The following CAST variants were observed in gnomAD, a reference collection of about 807,000 sequenced individuals.
CAST encodes the protein calpastatin, also known as MIR583 host.
A neutral mutation model predicts 119.6 loss-of-function variants in CAST; 76 were observed. That is an observed-to-expected ratio of 0.64 (90% CI 0.53 to 0.77). The LOEUF (loss-of-function observed/expected upper bound fraction) is 0.77. Among genes scored for constraint, CAST ranks in the 30% least tolerant of loss-of-function variants. The probability of loss-of-function intolerance (pLI) is 0.00; values close to 1 mark genes in which losing one functional copy is unlikely to be tolerated. For synonymous variants in CAST, 319 were observed against 331.6 expected (o/e 0.96, Z 0.41); for missense variants, 953 against 946.5 (o/e 1.01, Z -0.09).
chr5:96,679,940 G>A (rs1045171068), intron 2 of CAST, among the ~76,000 whole-genome samples: 6 of 151,956 alleles, frequency 3.9e-5, no homozygotes, highest in African/African-American at 1.5e-4. Context: ...AAATTAACGC[G>A]ATAATGTCAT....
chr5:96,168,365 T>C, the CAST span, among the ~76,000 whole-genome samples: 1 of 152,228 alleles, frequency 6.6e-6, no homozygotes, highest in Non-Finnish European at 1.5e-5. Flanking sequence ...GAGGCATTAA[T>C]GATGGAGGAC....
chr5:96,194,943 G>A, the CAST span, among the ~76,000 whole-genome samples: 1 of 152,340 alleles, frequency 6.6e-6, no homozygotes, highest in Admixed American at 6.5e-5. Flanking sequence ...TCAGTAAGAT[G>A]CAGGCATACC....
At chr5:96,181,387 C>A in the CAST span, among the ~76,000 whole-genome samples, 1,107 of 152,318 alleles carry the variant, frequency 7.3e-3, 19 homozygotes, top group African/African-American at 0.026. Flanking sequence ...ACCTTTGCCT[C>A]ATGTTCTGCA....
At position 96,729,348 on chromosome 5, in the gene CAST, G is replaced by C; in HGVS notation, c.435+139G>C. The C allele has an allele frequency of 9.6e-6, 6 of 627,798 alleles. No homozygotes were observed. In the South Asian group the frequency reaches 1.2e-4, roughly 13 times the overall value. The allele number at this position is 627,798 out of a possible 1,614,324, so 38.9% of individuals were successfully genotyped here. The stretch of plus-strand genomic sequence containing the variant: ...TTTTCAGCTAAAATGGTGCCATCCT[G>C]TGGCAATAGCAGTGTTTACAATTTA... On this transcript the variant is annotated intron_variant, in intron 7 of 31. Transcript: ENST00000675179.
chr5:96,472,181 G>T, the CAST span, among the ~76,000 whole-genome samples: 3 of 152,142 alleles, frequency 2.0e-5, no homozygotes, highest in African/African-American at 7.2e-5. Context: ...CAGCAGAGGT[G>T]AGTGGAGCAA....
the CAST span, chr5:96,398,755 T>G: frequency 2.4e-6 from 2 of 843,906 alleles, no homozygotes; most frequent in Non-Finnish European, 4.0e-6. Context: ...AATAAGCATG[T>G]TTTTTAAGAC....
the CAST span, among the ~76,000 whole-genome samples, chr5:96,351,639 T>A: frequency 6.6e-6 from 1 of 152,252 alleles, no homozygotes; most frequent in South Asian, 2.1e-4. Context: ...GTATTACGTA[T>A]CTGGAGTCAT....
the CAST span, among the ~76,000 whole-genome samples, chr5:96,111,681 C>T: frequency 1.3e-5 from 2 of 152,080 alleles, no homozygotes; most frequent in South Asian, 4.2e-4. Flanking sequence ...GGGACAAAGA[C>T]CAAATATTTA....
the CAST span, among the ~76,000 whole-genome samples, chr5:96,363,013 A>G: frequency 6.6e-6 from 1 of 151,084 alleles, no homozygotes; most frequent in Non-Finnish European, 1.5e-5. Flanking sequence ...ATTTTTGTAT[A>G]AGGTGTAAGG....
intron 24 of CAST, chr5:96,760,724 CAG>C (rs765551554): frequency 1.3e-5 from 2 of 151,674 alleles, no homozygotes; most frequent in Non-Finnish European, 3.0e-5. Flanking sequence ...GAGAAATGAT[CAG>C]AAAAATAAGG....
intron 25 of CAST, among the ~76,000 whole-genome samples, 188 bp from the exon 26 acceptor site, chr5:96,765,033 G>A (rs1198931244): frequency 2.0e-5 from 3 of 149,308 alleles, no homozygotes; most frequent in East Asian, 1.9e-4. Flanking sequence ...AGATACTGCC[G>A]CTCTTCTCCT....
the CAST span, among the ~76,000 whole-genome samples, chr5:96,309,526 G>A: frequency 2.6e-5 from 4 of 152,198 alleles, no homozygotes; most frequent in Admixed American, 6.5e-5. Context: ...CACCTAGTTC[G>A]GTGTCTGCCC....
At chr5:96,187,796 T>C in the CAST span, among the ~76,000 whole-genome samples, 3,885 of 152,296 alleles carry the variant, frequency 0.026, 176 homozygotes, top group African/African-American at 0.09. Context: ...ACGTAAATGT[T>C]ATGTTTTAGC....
the CAST span, among the ~76,000 whole-genome samples, chr5:96,092,159 T>C: frequency 6.6e-6 from 1 of 152,218 alleles, no homozygotes; most frequent in Non-Finnish European, 1.5e-5. Context: ...TTCCTTCTTG[T>C]CTACTCCTCT....
chr5:96,152,307 G>T, the CAST span, among the ~76,000 whole-genome samples: 1 of 152,196 alleles, frequency 6.6e-6, no homozygotes, highest in Admixed American at 6.5e-5. Flanking sequence ...AAGGCCCAGG[G>T]AGAGTGTCTG....
At chr5:96,703,684 T>C (rs542344583) in intron 3 of CAST, among the ~76,000 whole-genome samples, 11 of 152,172 alleles carry the variant, frequency 7.2e-5, no homozygotes, top group Non-Finnish European at 1.3e-4. Context: ...ATCGGGACTT[T>C]GGGGCCTCTC....
At chr5:95,974,258 C>T in the CAST span, among the ~76,000 whole-genome samples, 1 of 152,150 alleles carries the variant, frequency 6.6e-6, no homozygotes, top group African/African-American at 2.4e-5. Context: ...AAGATTTCTG[C>T]CTTTTGACAA....
At chr5:96,227,803 C>T in the CAST span, among the ~76,000 whole-genome samples, 1 of 152,104 alleles carries the variant, frequency 6.6e-6, no homozygotes, top group Middle Eastern at 3.2e-3. Flanking sequence ...CCTTTTCCCT[C>T]GTGTGTCTTC....
At chr5:96,755,838 A>C (rs1334760722) in intron 22 of CAST, among the ~76,000 whole-genome samples, 2 of 152,148 alleles carry the variant, frequency 1.3e-5, no homozygotes, top group African/African-American at 2.4e-5. Flanking sequence ...TCATTTGTAC[A>C]TTGCTTTGCA....
Sources: gnomAD v4.1 joint callset for allele counts (sites outside exome capture counted in the v4.1 genomes callset) on GRCh38, gnomAD v4.1.1 for gene constraint, MANE v1.5 for transcripts, NCBI Gene and HGNC (gene_info 2026-07-23, HGNC 2026-07-21) for gene names.